Variants in FHIT observed in about 807,000 individuals in gnomAD.
FHIT encodes fragile histidine triad diadenosine triphosphatase.
FHIT carries 19 observed loss-of-function variants against 17.9 expected under a neutral mutation model. The ratio of observed to expected loss-of-function variants is 1.06; its 90% CI spans 0.74 to 1.56. FHIT has a LOEUF of 1.56. Ranked by LOEUF, FHIT falls within the 40% of genes most tolerant of loss-of-function variation. FHIT has a pLI of 0.00. For missense variants in FHIT, 248 were observed against 189.2 expected, an observed-to-expected ratio of 1.31 and a Z score of -1.82; for synonymous variants, 81 against 69.7, an observed-to-expected ratio of 1.16 and a Z score of -0.81.
At chr3:61,223,706 C>G (rs1267727127) in intron 1 of FHIT, among the ~76,000 whole-genome samples, 2 of 152,198 alleles carry the variant, frequency 1.3e-5, no homozygotes, top group African/African-American at 4.8e-5. Flanking sequence ...CAATCCCTGA[C>G]TCGAGTGAGG....
chr3:60,717,239 T>C (rs1039658509), intron 4 of FHIT, among the ~76,000 whole-genome samples: 6 of 152,234 alleles, frequency 3.9e-5, no homozygotes, highest in African/African-American at 1.4e-4. Flanking sequence ...TACAGCATAA[T>C]AACTATAGTT....
intron 5 of FHIT, among the ~76,000 whole-genome samples, chr3:60,033,603 T>C (rs182013664): frequency 6.6e-6 from 1 of 152,346 alleles, no homozygotes; most frequent in East Asian, 1.9e-4. Context: ...CTGATGTGTG[T>C]AGAGCTAAGA....
chr3:61,162,968 T>G (rs1465000893), intron 2 of FHIT, among the ~76,000 whole-genome samples: 3 of 152,240 alleles, frequency 2.0e-5, no homozygotes, highest in Non-Finnish European at 4.4e-5. Context: ...GTTTTCATTT[T>G]ATATCAGTAT....
intron 7 of FHIT, among the ~76,000 whole-genome samples, chr3:59,928,994 C>CAAAAAAA (rs56107626): frequency 3.0e-5 from 1 of 33,122 alleles, no homozygotes; most frequent in Non-Finnish European, 5.0e-5. Context: ...GACTTCATCT[C>CAAAAAAA]AAAAAAAAAA....
At chr3:60,924,450 T>A (rs1374863271) in intron 3 of FHIT, among the ~76,000 whole-genome samples, 24 of 151,990 alleles carry the variant, frequency 1.6e-4, no homozygotes, top group Admixed American at 1.6e-3. Flanking sequence ...GCAAACAGGG[T>A]CTAGAGTGGG....
At chr3:60,147,522 T>C (rs1700291671) in intron 5 of FHIT, among the ~76,000 whole-genome samples, 2 of 152,198 alleles carry the variant, frequency 1.3e-5, no homozygotes, top group African/African-American at 4.8e-5. Flanking sequence ...AAGTTCAACA[T>C]GCGACAGGTA....
In FHIT at chr3:60,547,201, G is replaced by C. The variant is rs568311659; in HGVS notation, c.-17-10222C>G. 1.1e-4 allele frequency among the ~76,000 whole-genome samples: 17 copies of C among 152,224 alleles called. No individual in the cohort carries two copies. In the East Asian group the frequency reaches 2.9e-3, roughly 26 times the overall value. On this transcript the variant is annotated intron_variant, in intron 4 of 9. Transcript: ENST00000492590. ...ATCTTTCTACCAAATATAAAGACTAGATGTACCAATATTCTGTGGAATTTT... is the reference window on the plus strand; with the variant it reads ...ATCTTTCTACCAAATATAAAGACTACATGTACCAATATTCTGTGGAATTTT...
intron 4 of FHIT, among the ~76,000 whole-genome samples, chr3:60,575,798 G>T (rs115840491): frequency 6.6e-6 from 1 of 152,108 alleles, no homozygotes; most frequent in Non-Finnish European, 1.5e-5. Flanking sequence ...GTGAATGAAA[G>T]TATGAGCAGT....
chr3:59,903,131 C>A (rs1327167860), intron 8 of FHIT, among the ~76,000 whole-genome samples: 1 of 151,996 alleles, frequency 6.6e-6, no homozygotes, highest in African/African-American at 2.4e-5. Context: ...CGGATACATG[C>A]CAAAAGATGG....
chr3:61,173,541 A>G (rs1463579180), intron 2 of FHIT, among the ~76,000 whole-genome samples: 2 of 152,228 alleles, frequency 1.3e-5, no homozygotes, highest in Non-Finnish European at 2.9e-5. Context: ...CACAGAATAT[A>G]CATATACAGT....
chr3:61,021,410 T>C (rs1425396983), intron 3 of FHIT, among the ~76,000 whole-genome samples: 19 of 143,966 alleles, frequency 1.3e-4, no homozygotes, highest in African/African-American at 4.2e-4. Flanking sequence ...CCATCCCAGC[T>C]AAAACGGTGA....
At chr3:59,931,877 T>A (rs1409645477) in intron 7 of FHIT, among the ~76,000 whole-genome samples, 1 of 152,086 alleles carries the variant, frequency 6.6e-6, no homozygotes, top group African/African-American at 2.4e-5. Context: ...ATGGCTTTGA[T>A]GATGTATTGC....
chr3:60,094,798 T>A (rs6768598), intron 5 of FHIT, among the ~76,000 whole-genome samples: 4 of 137,712 alleles, frequency 2.9e-5, no homozygotes, highest in Non-Finnish European at 6.4e-5. Context: ...ACACAAGGGG[T>A]GGGGGAGAGA....
intron 5 of FHIT, among the ~76,000 whole-genome samples, chr3:60,065,247 G>A (rs147547517): frequency 7.2e-4 from 109 of 152,316 alleles, no homozygotes; most frequent in African/African-American, 2.5e-3. Flanking sequence ...TTATGAGCTA[G>A]AATGCTTAGT....
At chr3:60,387,386 A>G (rs1371493557) in intron 5 of FHIT, among the ~76,000 whole-genome samples, 2 of 152,142 alleles carry the variant, frequency 1.3e-5, no homozygotes, top group Non-Finnish European at 2.9e-5. Context: ...CTTCCTAAGG[A>G]ATGGACACTT....
chr3:60,566,418 C>T (rs2037136453), intron 4 of FHIT, among the ~76,000 whole-genome samples: 1 of 152,084 alleles, frequency 6.6e-6, no homozygotes. Flanking sequence ...ACGCTTCATG[C>T]TAAAAACTCT....
At chr3:61,155,364 A>AGATTAAT (rs2037505562) in intron 2 of FHIT, among the ~76,000 whole-genome samples, 1 of 152,224 alleles carries the variant, frequency 6.6e-6, no homozygotes, top group African/African-American at 2.4e-5. Flanking sequence ...TGAAGGAGGT[A>AGATTAAT]GATTAATTTT....
intron 5 of FHIT, among the ~76,000 whole-genome samples, chr3:60,501,048 G>A (rs2034505657): frequency 6.6e-6 from 1 of 152,130 alleles, no homozygotes. Context: ...TAACAGTCAA[G>A]ATCTGTTGAA....
intron 3 of FHIT, among the ~76,000 whole-genome samples, chr3:60,914,133 A>G (rs1706881751): frequency 6.6e-6 from 1 of 152,258 alleles, no homozygotes; most frequent in Non-Finnish European, 1.5e-5. Flanking sequence ...CACTTTCTTC[A>G]TCTCTCTGTT....
Sources: allele counts gnomAD v4.1 joint callset (sites outside exome capture counted in the v4.1 genomes callset), GRCh38; gene constraint gnomAD v4.1.1; transcripts MANE v1.5; gene names NCBI Gene and HGNC (gene_info 2026-07-23, HGNC 2026-07-21).